The following MAD1L1 variants were observed in gnomAD, a reference collection of about 807,000 sequenced individuals.
The protein encoded by MAD1L1 is mitotic spindle assembly checkpoint protein MAD1.
Under a neutral mutation model 96.9 loss-of-function variants are expected in MAD1L1, and 95 were observed. The observed-to-expected ratio is 0.98, with a 90% CI of 0.83 to 1.16. The LOEUF (loss-of-function observed/expected upper bound fraction) is 1.16, where lower values mean the gene tolerates loss of function less well. MAD1L1 is among the 50% of genes most tolerant of loss of function. MAD1L1 has a pLI of 0.00. For synonymous variants in MAD1L1, 473 were observed against 396.6 expected, an observed-to-expected ratio of 1.19 and a Z score of -2.29; for missense variants, 1,007 against 954.4, an observed-to-expected ratio of 1.06 and a Z score of -0.73.
At chr7:2,224,646 G>A (rs1422138584) in intron 4 of MAD1L1, among the ~76,000 whole-genome samples, 1 of 152,204 alleles carries the variant, frequency 6.6e-6, no homozygotes, top group African/African-American at 2.4e-5. Context: ...GAGAGGGCAC[G>A]GAGGCCAGGG....
chr7:2,034,974 C>T (rs1189349921), intron 12 of MAD1L1, among the ~76,000 whole-genome samples: 3 of 152,354 alleles, frequency 2.0e-5, no homozygotes, highest in Non-Finnish European at 2.9e-5. Flanking sequence ...CTCCGCAGAC[C>T]CAAACCTGAG....
chr7:2,193,399 C>T (rs1791822317), intron 10 of MAD1L1: 1 of 152,680 alleles, frequency 6.5e-6, no homozygotes, highest in African/African-American at 2.4e-5. Context: ...AAAGCCCTTC[C>T]CCGCCTCCGC....
At chr7:2,183,975 G>T (rs1791332951) in intron 10 of MAD1L1, among the ~76,000 whole-genome samples, 1 of 152,084 alleles carries the variant, frequency 6.6e-6, no homozygotes. Flanking sequence ...ACTCAGCCGG[G>T]CGCAGTGGCT....
At chr7:1,987,015 C>T (rs1042596754) in intron 14 of MAD1L1, among the ~76,000 whole-genome samples, 22 of 152,096 alleles carry the variant, frequency 1.4e-4, no homozygotes, top group African/African-American at 5.3e-4. Flanking sequence ...GGACAGTAGC[C>T]ACAGAGGGCC....
intron 18 of MAD1L1, among the ~76,000 whole-genome samples, chr7:1,816,665 G>A (rs1416824648): frequency 1.3e-5 from 2 of 152,072 alleles, no homozygotes; most frequent in Non-Finnish European, 2.9e-5. Flanking sequence ...GCAGGGGGGC[G>A]CTGGGGGCCC....
intron 18 of MAD1L1, among the ~76,000 whole-genome samples, chr7:1,837,594 T>C (rs978381090): frequency 6.0e-4 from 92 of 152,362 alleles, no homozygotes; most frequent in African/African-American, 2.1e-3. Flanking sequence ...TCTATCCGTA[T>C]GACTGTAAAG....
chr7:1,962,120 CCATTCTCATCTATT>C (rs1210053679), intron 15 of MAD1L1, among the ~76,000 whole-genome samples: 1 of 152,118 alleles, frequency 6.6e-6, no homozygotes, highest in Non-Finnish European at 1.5e-5. Flanking sequence ...TTCCCCCATA[CCATTCTCATCTATT>C]GTGGGAAGGA....
At chr7:1,906,930 G>A (rs1322780326) in intron 17 of MAD1L1, among the ~76,000 whole-genome samples, 5 of 152,304 alleles carry the variant, frequency 3.3e-5, no homozygotes, top group South Asian at 2.1e-4. Context: ...CTGAACACCC[G>A]TGTTCATCCC....
chr7:1,992,886 TC>T (rs934019726), intron 14 of MAD1L1, among the ~76,000 whole-genome samples: 6 of 151,386 alleles, frequency 4.0e-5, no homozygotes, highest in African/African-American at 1.5e-4. Flanking sequence ...CAGAACGGGA[TC>T]AGCTTATGGA....
In MAD1L1 at chr7:1,840,622, G is replaced by A. The variant is rs11975079; in HGVS notation, c.1999-24394C>T. ...CGGGCGCCTGTAATCCCAGCTACTCGGGAGGCTGAGGCAGGAGAATCGCTT... is the reference window on the plus strand; with the variant it reads ...CGGGCGCCTGTAATCCCAGCTACTCAGGAGGCTGAGGCAGGAGAATCGCTT... On this transcript the variant is annotated intron_variant, in intron 18 of 18. Transcript: ENST00000265854. Among the ~76,000 whole-genome samples, 965 of 152,310 alleles carry A rather than the reference G, an allele frequency of 6.3e-3. 10 individuals are homozygous for A. The highest frequency in any genetic ancestry group is 0.022 in the African/African-American group (906 of 41,572).
intron 12 of MAD1L1, among the ~76,000 whole-genome samples, chr7:2,039,028 G>A (rs1403186827): frequency 1.3e-5 from 2 of 152,156 alleles, no homozygotes; most frequent in Admixed American, 6.5e-5. Context: ...TCACAGCCAC[G>A]ATTCCTCCTG....
intron 17 of MAD1L1, among the ~76,000 whole-genome samples, chr7:1,935,608 A>G (rs908529721): frequency 1.3e-5 from 2 of 152,210 alleles, no homozygotes; most frequent in Non-Finnish European, 2.9e-5. Context: ...CTCCTGATAC[A>G]TCAGCCTGGG....
chr7:1,923,143 G>C (rs771043843), intron 17 of MAD1L1, among the ~76,000 whole-genome samples: 3 of 152,208 alleles, frequency 2.0e-5, no homozygotes, highest in African/African-American at 7.2e-5. Flanking sequence ...TGGGCCTGGA[G>C]ATATCCTTTT....
At chr7:1,850,154 C>T (rs1783888904) in intron 18 of MAD1L1, among the ~76,000 whole-genome samples, 1 of 152,294 alleles carries the variant, frequency 6.6e-6, no homozygotes, top group Admixed American at 6.5e-5. Context: ...GCGGCCGGGG[C>T]AGCGGCTTCC....
At chr7:2,028,646 A>T (rs1056642978) in intron 12 of MAD1L1, among the ~76,000 whole-genome samples, 2 of 152,272 alleles carry the variant, frequency 1.3e-5, no homozygotes, top group Admixed American at 1.3e-4. Flanking sequence ...ACAAGCAGAG[A>T]GGGCCACCCT....
chr7:2,058,621 T>C (rs1461828967), intron 12 of MAD1L1, among the ~76,000 whole-genome samples: 2 of 52,806 alleles, frequency 3.8e-5, no homozygotes, highest in Non-Finnish European at 7.2e-5. Context: ...AGAGTGGGAG[T>C]GTGGCCAGGG....
At chr7:1,841,733 C>T (rs4236271) in intron 18 of MAD1L1, among the ~76,000 whole-genome samples, 59,110 of 152,192 alleles carry the variant, frequency 0.39, 11,852 homozygotes, top group Admixed American at 0.52. Context: ...CAGATGGTCT[C>T]GGCCGTCACT....
At chr7:1,882,271 A>G (rs1376829084) in intron 18 of MAD1L1, among the ~76,000 whole-genome samples, 1 of 152,242 alleles carries the variant, frequency 6.6e-6, no homozygotes, top group African/African-American at 2.4e-5. Context: ...ACACGCGAAC[A>G]TAGTGCTTGG....
intron 18 of MAD1L1, among the ~76,000 whole-genome samples, chr7:1,826,334 T>C (rs1339366161): frequency 6.6e-6 from 1 of 151,964 alleles, no homozygotes; most frequent in Non-Finnish European, 1.5e-5. Flanking sequence ...GTGTATTACC[T>C]CGGCCGAGGG....
Sources: allele counts gnomAD v4.1 joint callset (sites outside exome capture counted in the v4.1 genomes callset), GRCh38; gene constraint gnomAD v4.1.1; transcripts MANE v1.5; gene names NCBI Gene and HGNC (gene_info 2026-07-23, HGNC 2026-07-21).